Variants in IMMP2L observed in about 807,000 individuals in gnomAD.
IMMP2L encodes the protein mitochondrial inner membrane protease subunit 2.
IMMP2L carries 18 observed loss-of-function variants against 19.3 expected under a neutral mutation model. The observed-to-expected ratio is 0.93, with a 90% confidence interval of 0.64 to 1.38. IMMP2L has a LOEUF of 1.38. Among genes scored for constraint, IMMP2L ranks in the 40% most tolerant of loss-of-function variants. IMMP2L has a pLI of 0.00. For missense variants in IMMP2L, 233 were observed against 218.2 expected (o/e 1.07, Z -0.43); for synonymous variants, 76 against 73.0 (o/e 1.04, Z -0.21).
intron 3 of IMMP2L, among the ~76,000 whole-genome samples, chr7:111,269,338 C>T (rs1324840946): frequency 6.6e-6 from 1 of 152,090 alleles, no homozygotes; most frequent in Non-Finnish European, 1.5e-5. Flanking sequence ...TATAGAAAGA[C>T]ATTATTCATA....
intron 4 of IMMP2L, among the ~76,000 whole-genome samples, chr7:110,887,106 T>G (rs749287524): frequency 5.3e-5 from 8 of 152,086 alleles, no homozygotes; most frequent in Non-Finnish European, 1.2e-4. Flanking sequence ...CTTCATTTTT[T>G]TCGGTCAAAC....
chr7:110,873,300 G>A (rs995246604), intron 5 of IMMP2L, among the ~76,000 whole-genome samples: 2 of 151,160 alleles, frequency 1.3e-5, no homozygotes, highest in Admixed American at 1.3e-4. Context: ...GCGCATGCCT[G>A]TAGTTCCTAG....
intron 3 of IMMP2L, among the ~76,000 whole-genome samples, chr7:111,148,603 T>C (rs907927070): frequency 6.6e-6 from 1 of 152,152 alleles, no homozygotes; most frequent in Non-Finnish European, 1.5e-5. Flanking sequence ...AAAAAAGACA[T>C]ATTAAGGTGA....
chr7:111,280,881 A>G (rs543589590), intron 3 of IMMP2L, among the ~76,000 whole-genome samples: 121 of 152,044 alleles, frequency 8.0e-4, no homozygotes, highest in Non-Finnish European at 9.9e-4. Context: ...CATCCTGTCT[A>G]ACACGGTGAA....
At chr7:111,078,037 T>C (rs1049558459) in intron 3 of IMMP2L, among the ~76,000 whole-genome samples, 12 of 152,234 alleles carry the variant, frequency 7.9e-5, no homozygotes, top group Admixed American at 7.2e-4. Context: ...CACTATAATA[T>C]TACTTTGTTT....
At chr7:111,456,081 A>G (rs1325588043) in intron 3 of IMMP2L, among the ~76,000 whole-genome samples, 1 of 151,680 alleles carries the variant, frequency 6.6e-6, no homozygotes, top group African/African-American at 2.4e-5. Flanking sequence ...GTAACACTAG[A>G]ATAATCCACA....
intron 3 of IMMP2L, among the ~76,000 whole-genome samples, chr7:111,094,573 C>T (rs995600030): frequency 1.3e-5 from 2 of 152,102 alleles, no homozygotes; most frequent in African/African-American, 4.8e-5. Flanking sequence ...CTAGGCAAAA[C>T]ATCAGTACAT....
chr7:110,945,397 T>A (rs1403735180), intron 4 of IMMP2L, among the ~76,000 whole-genome samples: 2 of 152,076 alleles, frequency 1.3e-5, no homozygotes, highest in East Asian at 3.9e-4. Context: ...TGGTAACCCA[T>A]CTTCCTGGGC....
chr7:110,777,941 A>G (rs972986070), intron 5 of IMMP2L, among the ~76,000 whole-genome samples: 2 of 151,948 alleles, frequency 1.3e-5, no homozygotes, highest in African/African-American at 4.8e-5. Context: ...GAAACCTAAC[A>G]TTTTCTAACT....
At chr7:110,938,447 G>T (rs947678547) in intron 4 of IMMP2L, among the ~76,000 whole-genome samples, 3 of 152,162 alleles carry the variant, frequency 2.0e-5, no homozygotes, top group African/African-American at 7.2e-5. Context: ...AGCTAGACTG[G>T]ACAGGAAACA....
At chr7:111,544,992 G>A (rs2133017301) in intron 1 of IMMP2L, among the ~76,000 whole-genome samples, 1 of 152,192 alleles carries the variant, frequency 6.6e-6, no homozygotes, top group African/African-American at 2.4e-5. Context: ...CTTACATTGA[G>A]AGAAGCAGAA....
intron 3 of IMMP2L, among the ~76,000 whole-genome samples, chr7:111,376,817 T>C (rs1830718840): frequency 6.6e-6 from 1 of 152,092 alleles, no homozygotes; most frequent in Non-Finnish European, 1.5e-5. Context: ...ATCATGTAAT[T>C]CCATTTATAT....
chr7:110,671,189 C>T (rs1791893056), intron 5 of IMMP2L, among the ~76,000 whole-genome samples: 1 of 152,144 alleles, frequency 6.6e-6, no homozygotes, highest in Non-Finnish European at 1.5e-5. Context: ...ACTGAGCCCA[C>T]AGATTGGAAA....
chr7:111,313,540 T>C (rs1823733030), intron 3 of IMMP2L, among the ~76,000 whole-genome samples: 1 of 152,128 alleles, frequency 6.6e-6, no homozygotes, highest in Admixed American at 6.6e-5. Flanking sequence ...GAAAACCAAA[T>C]ACTACACAAG....
intron 4 of IMMP2L, among the ~76,000 whole-genome samples, chr7:110,956,512 A>G (rs971009253): frequency 6.6e-6 from 1 of 151,970 alleles, no homozygotes; most frequent in African/African-American, 2.4e-5. Flanking sequence ...TGATTTATAA[A>G]GCAGATTACA....
intron 3 of IMMP2L, among the ~76,000 whole-genome samples, chr7:111,159,438 T>C (rs1235466212): frequency 6.6e-6 from 1 of 151,990 alleles, no homozygotes; most frequent in Non-Finnish European, 1.5e-5. Context: ...ATGATGTTTA[T>C]ACTTTAAAAC....
intron 4 of IMMP2L, chr7:110,962,236 G>A (rs1819024972): frequency 6.6e-6 from 1 of 151,594 alleles, no homozygotes; most frequent in Non-Finnish European, 1.5e-5. Context: ...AATAATTGAG[G>A]ATCTCAAAAA....
At chr7:111,323,537 T>C (rs1450004263) in intron 3 of IMMP2L, among the ~76,000 whole-genome samples, 1 of 152,080 alleles carries the variant, frequency 6.6e-6, no homozygotes, top group African/African-American at 2.4e-5. Context: ...TTTTACACTG[T>C]TGGTAGGACT....
intron 3 of IMMP2L, among the ~76,000 whole-genome samples, chr7:111,451,184 AT>A (rs1839125909): frequency 6.9e-6 from 1 of 144,662 alleles, no homozygotes; most frequent in East Asian, 1.9e-4. Context: ...TAGAAATACC[AT>A]TTGACCCAGC....
Sources: gnomAD v4.1 joint callset for allele counts (sites outside exome capture counted in the v4.1 genomes callset) on GRCh38, gnomAD v4.1.1 for gene constraint, MANE v1.5 for transcripts, NCBI Gene and HGNC (gene_info 2026-07-23, HGNC 2026-07-21) for gene names.